Variants in PUS7 observed in about 807,000 individuals in gnomAD.
The protein encoded by PUS7 is pseudouridine synthase 7, also known as pseudouridylate synthase 7 homolog.
PUS7 carries 48 observed loss-of-function variants against 79.8 expected under a neutral mutation model. The ratio of observed to expected loss-of-function variants is 0.60; its 90% CI spans 0.48 to 0.76. The LOEUF (loss-of-function observed/expected upper bound fraction) is 0.76. Among genes scored for constraint, PUS7 ranks in the 30% least tolerant of loss-of-function variants. PUS7 has a pLI of 0.00. For missense variants in PUS7, 729 were observed against 797.6 expected (o/e 0.91, Z 1.04); for synonymous variants, 286 against 272.2 (o/e 1.05, Z -0.50).
chr7:105,518,161 A>C (rs1014728029), intron 1 of PUS7, among the ~76,000 whole-genome samples: 1 of 151,556 alleles, frequency 6.6e-6, no homozygotes, highest in African/African-American at 2.4e-5. Flanking sequence ...AAATAAATAA[A>C]AATAAGCCGG....
At position 105,457,516 on chromosome 7, in the gene PUS7, T is replaced by C. The variant is rs1168845239; in HGVS notation, c.*274A>G. ...CTACTTTAAACCAAAGTCCTTTTTT[T>C]ATTATTGTAAAGCTGACATTTTACT... is the stretch of plus-strand genomic sequence containing the variant. On this transcript the variant is annotated 3_prime_UTR_variant, in exon 16 of 16. Coordinates refer to ENST00000469408, the MANE Select transcript of PUS7 (RefSeq NM_019042.5). The C allele has an allele frequency of 4.2e-6, 1 of 240,442 alleles. No individual in the cohort carries two copies. The highest frequency in any genetic ancestry group is 7.9e-6 in the Non-Finnish European group (1 of 126,056). 14.9% of individuals were successfully genotyped at this position (240,442 alleles called of 1,614,324 possible).
At chr7:105,516,316 G>A (rs749381012) in intron 1 of PUS7, among the ~76,000 whole-genome samples, 5 of 152,096 alleles carry the variant, frequency 3.3e-5, no homozygotes, top group Non-Finnish European at 4.4e-5. Context: ...TCTAAGTTCT[G>A]TCCTATAGGC....
chr7:105,513,951 G>A (rs1294709410), intron 1 of PUS7, among the ~76,000 whole-genome samples: 6 of 140,032 alleles, frequency 4.3e-5, no homozygotes, highest in Non-Finnish European at 9.5e-5. Context: ...GGTGGCTCAC[G>A]CCTGTAATCC....
chr7:105,521,746 C>T (rs1290987141), intron 1 of PUS7, among the ~76,000 whole-genome samples: 1 of 152,106 alleles, frequency 6.6e-6, no homozygotes, highest in African/African-American at 2.4e-5. Flanking sequence ...GGGACAGCGC[C>T]GCGCGGGGAG....
At chr7:105,475,924 A>G (rs762477539) in intron 9 of PUS7, among the ~76,000 whole-genome samples, 1 of 152,058 alleles carries the variant, frequency 6.6e-6, no homozygotes, top group Non-Finnish European at 1.5e-5. Flanking sequence ...GGAACCTCAT[A>G]TAAGAGAAAT....
chr7:105,502,528 G>A lies in PUS7; in HGVS notation c.622C>T (p.His208Tyr). Reference protein sequence around the residue: ...EDTKEKRTIIHQAIKSLFPGL... With the variant: ...EDTKEKRTIIYQAIKSLFPGL... ...GGAAACAGAGATTTGATAGCCTGAT[G>A]GATGATGGTTCTTTTCTCTTTGGTG... is the stretch of plus-strand genomic sequence containing the variant. The change falls in exon 5 of 16, where the codon CAT (histidine) becomes TAT (tyrosine). Residue 208 changes from histidine (H) to tyrosine (Y), a missense_variant. Physicochemically the swap from His to Tyr is moderately conservative, Grantham distance 83. Transcript: ENST00000469408. 6.2e-7 allele frequency: 1 copy of A among 1,613,824 alleles called. No homozygotes were observed. Among genetic ancestry groups the A allele is most frequent in the Non-Finnish European group, 8.5e-7 (1 of 1,179,928 alleles).
chr7:105,482,910 A>G (rs1268229740), intron 7 of PUS7, among the ~76,000 whole-genome samples: 1 of 152,174 alleles, frequency 6.6e-6, no homozygotes, highest in Non-Finnish European at 1.5e-5. Context: ...AAAGGAAAAG[A>G]AATTCATATT....
intron 7 of PUS7, 79 bp from the exon 8 acceptor site, chr7:105,482,519 C>A: frequency 6.9e-7 from 1 of 1,439,170 alleles, no homozygotes. Context: ...CTGCTTGGAA[C>A]AGTACAGAAA....
chr7:105,511,676 G>A (rs767941465), intron 1 of PUS7, among the ~76,000 whole-genome samples: 10 of 151,900 alleles, frequency 6.6e-5, no homozygotes, highest in Non-Finnish European at 1.5e-4. Context: ...CAGGAGAATC[G>A]TTTGAACCCA....
intron 9 of PUS7, among the ~76,000 whole-genome samples, chr7:105,476,188 T>C (rs1359154033): frequency 1.3e-5 from 2 of 151,296 alleles, no homozygotes; most frequent in Non-Finnish European, 1.5e-5. Context: ...ATTGTATGTA[T>C]GGGCCACATT....
At chr7:105,521,452 G>C (rs1423791909) in intron 1 of PUS7, among the ~76,000 whole-genome samples, 1 of 152,220 alleles carries the variant, frequency 6.6e-6, no homozygotes, top group Non-Finnish European at 1.5e-5. Context: ...CACCCAGCTT[G>C]AGGGCTGGAG....
rs200932805 is a variant in PUS7, at chr7:105,470,737, C to T, written c.1349G>A (p.Arg450Gln). ...VKRCVEGQLL[R>Q]GLSKYGMKNI... ...CTTCATTCCATATTTTGAAAGTCCT[C>T]GAAGCAGCTGCCCTTCCACACACCT... is the stretch of plus-strand genomic sequence containing the variant. Residue 450 changes from arginine to glutamine, a missense_variant, in exon 11 of 16, where the codon CGA becomes CAA. By Grantham distance (43) the Arg-to-Gln change is conservative (BLOSUM62 1). Coordinates refer to ENST00000469408, the MANE Select transcript of PUS7 (RefSeq NM_019042.5). 1.7e-5 allele frequency: 28 copies of T among 1,610,752 alleles called. No homozygotes were observed. Among genetic ancestry groups the T allele is most frequent in the Non-Finnish European group, 2.2e-5 (26 of 1,177,564 alleles).
At chr7:105,473,251 TA>T (rs922270970) in intron 9 of PUS7, among the ~76,000 whole-genome samples, 2 of 152,098 alleles carry the variant, frequency 1.3e-5, no homozygotes, top group African/African-American at 4.8e-5. Flanking sequence ...ATATGCTTTT[TA>T]AAAAAATTTT....
intron 5 of PUS7, among the ~76,000 whole-genome samples, chr7:105,500,510 A>G (rs1186363847): frequency 6.6e-6 from 1 of 152,146 alleles, no homozygotes; most frequent in African/African-American, 2.4e-5. Flanking sequence ...TCAAAAAAAC[A>G]GTTTTTGCTT....
Position 105,470,795 on chromosome 7 carries a change from G to C in PUS7, c.1291C>G (p.Pro431Ala), listed in dbSNP as rs1472135586. Residue 431 changes from proline (P) to alanine (A), a missense_variant, in exon 11 of 16, where the codon CCA becomes GCA. Physicochemically the swap from Pro to Ala is conservative, Grantham distance 27. Coordinates refer to ENST00000469408, the MANE Select transcript of PUS7 (RefSeq NM_019042.5). ...CREEWAKTKD[P>A]TAALRKLPVK... Reference sequence around the variant, plus strand: ...GGTAGTTTTCTGAGGGCAGCAGTTGGGTCTTTGGTCTTTGCCCATTCTTCT... The same window carrying C: ...GGTAGTTTTCTGAGGGCAGCAGTTGCGTCTTTGGTCTTTGCCCATTCTTCT... 3.1e-6 allele frequency: 5 copies of C among 1,611,286 alleles called. No individual in the cohort carries two copies. The highest frequency in any genetic ancestry group is 1.7e-5 in the Admixed American group (1 of 59,826).
At chr7:105,488,728 T>A (rs1359196788) in intron 7 of PUS7, among the ~76,000 whole-genome samples, 2 of 152,170 alleles carry the variant, frequency 1.3e-5, no homozygotes, top group East Asian at 3.8e-4. Flanking sequence ...TAAGAATACA[T>A]AAGTATTGCT....
chr7:105,514,808 T>TC (rs1313299269), intron 1 of PUS7, among the ~76,000 whole-genome samples: 2 of 151,908 alleles, frequency 1.3e-5, no homozygotes, highest in African/African-American at 2.4e-5. Flanking sequence ...TTTTTTTTTT[T>TC]TGAGACGGAG....
At chr7:105,509,184 C>CAAAAAAAAAAAAAAAAAAAAAAAAAAAA (rs57095427) in intron 1 of PUS7, among the ~76,000 whole-genome samples, 8 of 55,712 alleles carry the variant, frequency 1.4e-4, no homozygotes, top group African/African-American at 3.6e-4. Flanking sequence ...GACTCCATCT[C>CAAAAAAAAAAAAAAAAAAAAAAAAAAAA]AAAAAAAAAA....
At chr7:105,466,587 T>A (rs1435797183) in intron 12 of PUS7, among the ~76,000 whole-genome samples, 2 of 152,078 alleles carry the variant, frequency 1.3e-5, no homozygotes, top group African/African-American at 2.4e-5. Flanking sequence ...TTAAAAACAT[T>A]TATCTCTCAG....
Sources: gnomAD v4.1 joint callset for allele counts (sites outside exome capture counted in the v4.1 genomes callset) on GRCh38, gnomAD v4.1.1 for gene constraint, MANE v1.5 for transcripts, NCBI Gene and HGNC (gene_info 2026-07-23, HGNC 2026-07-21) for gene names.